C1orf21: variants seen among roughly 807,000 people sequenced by gnomAD.
C1orf21 encodes the protein chromosome 1 open reading frame 21.
In C1orf21, 3 loss-of-function variants were observed where a neutral mutation model predicts 18.7. The ratio of observed to expected loss-of-function variants is 0.16; its 90% CI spans 0.07 to 0.42. The LOEUF is 0.42. Among genes scored for constraint, C1orf21 ranks in the 10% least tolerant of loss-of-function variants. The pLI, the probability that C1orf21 is intolerant of heterozygous loss-of-function variation, is 0.99. For missense variants in C1orf21, 104 were observed against 143.6 expected, an observed-to-expected ratio of 0.72 and a Z score of 1.41; for synonymous variants, 41 against 46.4, an observed-to-expected ratio of 0.88 and a Z score of 0.47.
intron 3 of C1orf21, among the ~76,000 whole-genome samples, chr1:184,589,304 A>G (rs922404491): frequency 1.3e-5 from 2 of 152,240 alleles, no homozygotes; most frequent in African/African-American, 4.8e-5. Context: ...AAGAGACTAC[A>G]TTTGAGCTAT....
rs987993106 is a variant in C1orf21, at chr1:184,624,126, C to T, written c.*4570C>T. 4 of 152,640 alleles carry T rather than the reference C, an allele frequency of 2.6e-5. No individual in the cohort carries two copies. The East Asian group carries it at 7.7e-4, about 29-fold the overall frequency. The allele number at this position is 152,640 out of a possible 1,614,324, so 9.5% of individuals were successfully genotyped here. A position where few individuals can be genotyped will look rare whatever the true frequency, so the allele number is the denominator to read the frequency against. ...CCCATGTTGAAAGAAGGAAAGATGT[C>T]ATTCAAGTATTTTTCAAATTCTTTT... On this transcript the variant is annotated 3_prime_UTR_variant, in exon 6 of 6. Transcript: ENST00000235307.
chr1:184,597,087 A>G (rs575346649), intron 4 of C1orf21, among the ~76,000 whole-genome samples: 136 of 152,314 alleles, frequency 8.9e-4, no homozygotes, highest in African/African-American at 3.1e-3. Context: ...GAGAGGAGAC[A>G]GTTTAATGTA....
At chr1:184,499,839 C>A (rs994045732) in intron 2 of C1orf21, among the ~76,000 whole-genome samples, 1 of 152,124 alleles carries the variant, frequency 6.6e-6, no homozygotes, top group African/African-American at 2.4e-5. Flanking sequence ...AGGATTAAGT[C>A]AAAGCAGGGG....
intron 1 of C1orf21, among the ~76,000 whole-genome samples, chr1:184,414,337 C>T (rs1416697702): frequency 3.9e-5 from 6 of 152,026 alleles, no homozygotes; most frequent in African/African-American, 1.2e-4. Flanking sequence ...CTATGTTGCC[C>T]GGGCTGGTCT....
intron 1 of C1orf21, among the ~76,000 whole-genome samples, chr1:184,449,229 G>A (rs1403381942): frequency 1.4e-5 from 2 of 145,060 alleles, no homozygotes; most frequent in African/African-American, 5.1e-5. Flanking sequence ...GCCCCGGTGT[G>A]TGATGTCCCC....
rs189635118 is a variant in C1orf21, at chr1:184,587,626, G to A, written c.190-3113G>A. On this transcript the variant is annotated intron_variant, in intron 3 of 5. Transcript: ENST00000235307. ...TTGGCATGACTGTTGTTGGTGTATAGGAGTGCTAGTGATTTTTGTTTTTGT... is the reference window on the plus strand; with the variant it reads ...TTGGCATGACTGTTGTTGGTGTATAAGAGTGCTAGTGATTTTTGTTTTTGT... Among the ~76,000 whole-genome samples, 429 of 148,912 alleles carry A rather than the reference G, an allele frequency of 2.9e-3. 1 individual carries two copies. The highest frequency in any genetic ancestry group is 4.9e-3 in the Non-Finnish European group (329 of 67,348).
chr1:184,463,114 A>G (rs1657333892), intron 1 of C1orf21, among the ~76,000 whole-genome samples: 1 of 151,246 alleles, frequency 6.6e-6, no homozygotes. Flanking sequence ...AAGAAGAAGA[A>G]GAATTATAGT....
chr1:184,551,988 T>G (rs1658820028), intron 3 of C1orf21, among the ~76,000 whole-genome samples: 1 of 151,080 alleles, frequency 6.6e-6, no homozygotes, highest in African/African-American at 2.4e-5. Context: ...ATTAACGTTT[T>G]TTTAAAACAA....
At chr1:184,584,023 G>T (rs1250331537) in intron 3 of C1orf21, among the ~76,000 whole-genome samples, 5 of 151,942 alleles carry the variant, frequency 3.3e-5, no homozygotes, top group Non-Finnish European at 5.9e-5. Context: ...CCTCTGCTGG[G>T]TCTGCTTTAT....
chr1:184,448,929 ACTTT>A (rs1252299900), intron 1 of C1orf21, among the ~76,000 whole-genome samples: 3 of 152,170 alleles, frequency 2.0e-5, no homozygotes, highest in African/African-American at 7.2e-5. Context: ...GAAATAATAC[ACTTT>A]CTTCCAAATC....
rs35263651 is a variant in C1orf21, at chr1:184,587,262, CTTT to C, written c.190-3460_190-3458del. ...CTTAGGACAGCCTTGGCTATTTGGG[CTTT>C]TTTTTTTTTTTTTTTTCGGTTCCAT... is the stretch of plus-strand genomic sequence containing the variant. On this transcript the variant is annotated intron_variant, in intron 3 of 5. Transcript: ENST00000235307. Among the ~76,000 whole-genome samples, 498 of 76,464 alleles carry C rather than the reference CTTT, an allele frequency of 6.5e-3. 2 individuals are homozygous for C. The highest frequency in any genetic ancestry group is 0.019 in the African/African-American group (465 of 24,160). The allele number at this position is 76,464 out of a possible 152,430, so 50.2% of individuals were successfully genotyped here.
intron 1 of C1orf21, among the ~76,000 whole-genome samples, chr1:184,440,541 T>C (rs540016111): frequency 6.6e-6 from 1 of 150,986 alleles, no homozygotes; most frequent in South Asian, 2.1e-4. Flanking sequence ...CGTGAGCCAC[T>C]GCACCTGGCC....
At chr1:184,612,688 A>T (rs1010266722) in intron 5 of C1orf21, among the ~76,000 whole-genome samples, 1 of 149,168 alleles carries the variant, frequency 6.7e-6, no homozygotes, top group African/African-American at 2.6e-5. Context: ...CTCAAAAAAC[A>T]AAAAAAAGCC....
rs1571352443 is a variant in C1orf21 at position 184,426,611 on chromosome 1, A to G, written c.-125+39243A>G. Among the ~76,000 whole-genome samples the G allele has an allele frequency of 4.0e-5, 6 of 150,734 alleles. No homozygotes were observed. In the South Asian group the frequency reaches 1.3e-3, roughly 32 times the overall value. ...CTTCCTCCTATCTTTTAATTTGCAAACTCCTATCTTGATTCTTGGCTTAAA... is the reference window on the plus strand; with the variant it reads ...CTTCCTCCTATCTTTTAATTTGCAAGCTCCTATCTTGATTCTTGGCTTAAA... On this transcript the variant is annotated intron_variant, in intron 1 of 5. Coordinates refer to ENST00000235307, the MANE Select transcript of C1orf21 (RefSeq NM_030806.4).
chr1:184,497,413 G>A (rs1201549048), intron 2 of C1orf21, among the ~76,000 whole-genome samples: 1 of 152,216 alleles, frequency 6.6e-6, no homozygotes, highest in East Asian at 1.9e-4. Flanking sequence ...GCTCTTGTGA[G>A]AAAAGGTACA....
At chr1:184,474,902 G>A (rs147942339) in intron 1 of C1orf21, among the ~76,000 whole-genome samples, 16 of 152,282 alleles carry the variant, frequency 1.1e-4, no homozygotes, top group South Asian at 6.2e-4. Context: ...TAATGCTGGG[G>A]ATGAGGAAGC....
chr1:184,524,843 T>C (rs576550976), intron 3 of C1orf21, among the ~76,000 whole-genome samples: 1 of 152,210 alleles, frequency 6.6e-6, no homozygotes, highest in East Asian at 1.9e-4. Flanking sequence ...AAAGGCAGCT[T>C]GTAGTCTAGT....
intron 1 of C1orf21, among the ~76,000 whole-genome samples, chr1:184,475,513 C>A (rs1478984365): frequency 9.2e-5 from 14 of 152,188 alleles, no homozygotes; most frequent in Admixed American, 9.2e-4. Flanking sequence ...CTACTTCTTT[C>A]CTCTGCCCAG....
intron 1 of C1orf21, among the ~76,000 whole-genome samples, chr1:184,424,617 C>T (rs151067878): frequency 7.2e-5 from 11 of 152,254 alleles, no homozygotes; most frequent in African/African-American, 2.4e-4. Context: ...AGAATGTGCC[C>T]GGCTCCATAA....
Sources: allele counts gnomAD v4.1 joint callset (sites outside exome capture counted in the v4.1 genomes callset), GRCh38; gene constraint gnomAD v4.1.1; transcripts MANE v1.5; gene names NCBI Gene and HGNC (gene_info 2026-07-23, HGNC 2026-07-21).